Variants in DIAPH2 observed in about 807,000 individuals in gnomAD.
DIAPH2 encodes protein diaphanous homolog 2.
In DIAPH2, 35 loss-of-function variants were observed where a neutral mutation model predicts 92.7. The ratio of observed to expected loss-of-function variants is 0.38; its 90% CI spans 0.29 to 0.50. The LOEUF is 0.50. Among genes scored for constraint, DIAPH2 ranks in the 20% least tolerant of loss-of-function variants. The pLI, the probability that DIAPH2 is intolerant of heterozygous loss-of-function variation, is 0.94. For synonymous variants in DIAPH2, 301 were observed against 280.4 expected, an observed-to-expected ratio of 1.07 and a Z score of -0.73; for missense variants, 701 against 819.5, an observed-to-expected ratio of 0.86 and a Z score of 1.77.
chrX:97,355,290 A>T (rs2069255003), intron 24 of DIAPH2, among the ~76,000 whole-genome samples: 1 of 111,018 alleles, frequency 9.0e-6, no homozygotes, highest in South Asian at 3.8e-4. Flanking sequence ...ATTAATGGTA[A>T]TTTACCTTTA....
chrX:96,865,056 T>C (rs2147728654), intron 4 of DIAPH2, among the ~76,000 whole-genome samples: 1 of 112,256 alleles, frequency 8.9e-6, no homozygotes, highest in Non-Finnish European at 1.9e-5. Context: ...CTATTATACT[T>C]TCAAGCATTT....
At chrX:97,519,027 C>T in intron 26 of DIAPH2, among the ~76,000 whole-genome samples, 1 of 111,642 alleles carries the variant, frequency 9.0e-6, no homozygotes, top group Non-Finnish European at 1.9e-5. Context: ...TTAAATTAGC[C>T]AAACCACCCT....
At chrX:97,081,264 T>G (rs1027271048) in intron 19 of DIAPH2, among the ~76,000 whole-genome samples, 9 of 111,656 alleles carry the variant, frequency 8.1e-5, no homozygotes, top group African/African-American at 2.9e-4. Context: ...TAAAAATTTT[T>G]TTTTGTTTTT....
chrX:97,117,087 G>A, intron 21 of DIAPH2, among the ~76,000 whole-genome samples: 1 of 111,199 alleles, frequency 9.0e-6, no homozygotes. Context: ...AAGAAGTGAA[G>A]GTTTTAAAAT....
At chrX:97,160,070 G>T (rs1317966006) in intron 22 of DIAPH2, among the ~76,000 whole-genome samples, 1 of 95,240 alleles carries the variant, frequency 1.0e-5, no homozygotes, top group African/African-American at 3.8e-5. Context: ...CTGGGCAAGG[G>T]TGTTTAAGGG....
At chrX:97,168,230 C>T (rs1171121306) in intron 22 of DIAPH2, among the ~76,000 whole-genome samples, 3 of 108,934 alleles carry the variant, frequency 2.8e-5, no homozygotes, top group African/African-American at 6.7e-5. Context: ...GGATTACAGG[C>T]GGGTGCCACC....
intron 22 of DIAPH2, among the ~76,000 whole-genome samples, chrX:97,240,425 T>G (rs1156722810): frequency 1.8e-5 from 2 of 110,378 alleles, no homozygotes; most frequent in African/African-American, 3.3e-5. Flanking sequence ...GCTAACACAG[T>G]GAAACCCCGT....
At chrX:97,535,768 C>T (rs1376475394) in intron 26 of DIAPH2, among the ~76,000 whole-genome samples, 1 of 112,365 alleles carries the variant, frequency 8.9e-6, no homozygotes, top group Non-Finnish European at 1.9e-5. Context: ...TTTTTAAATA[C>T]TTGGTAAAGA....
At chrX:97,068,006 G>A (rs1366252256) in intron 17 of DIAPH2, among the ~76,000 whole-genome samples, 1 of 111,705 alleles carries the variant, frequency 9.0e-6, no homozygotes, top group Non-Finnish European at 1.9e-5. Flanking sequence ...GTTGATGCAT[G>A]CGTTTTTTAA....
intron 22 of DIAPH2, among the ~76,000 whole-genome samples, chrX:97,210,855 A>C (rs1232475812): frequency 2.7e-5 from 3 of 111,961 alleles, no homozygotes; most frequent in African/African-American, 9.7e-5. Flanking sequence ...TATTTCTTAG[A>C]TTGAATGTCT....
At chrX:96,800,858 A>G (rs972307966) in intron 4 of DIAPH2, among the ~76,000 whole-genome samples, 1 of 112,102 alleles carries the variant, frequency 8.9e-6, no homozygotes, top group Non-Finnish European at 1.9e-5. Context: ...TGCGTGACCT[A>G]TCTTTATTAG....
At chrX:97,547,015 G>A (rs1469251874) in intron 26 of DIAPH2, among the ~76,000 whole-genome samples, 2 of 111,906 alleles carry the variant, frequency 1.8e-5, no homozygotes, top group African/African-American at 6.5e-5. Flanking sequence ...TTAAGAAGAA[G>A]TTGTAACACA....
At chrX:97,453,265 TC>T (rs2070374004) in intron 26 of DIAPH2, among the ~76,000 whole-genome samples, 1 of 111,090 alleles carries the variant, frequency 9.0e-6, no homozygotes, top group Non-Finnish European at 1.9e-5. Flanking sequence ...ATTCACTCCA[TC>T]CATCCCTTAA....
intron 23 of DIAPH2, among the ~76,000 whole-genome samples, chrX:97,255,359 A>G (rs1372519712): frequency 8.9e-6 from 1 of 111,939 alleles, no homozygotes; most frequent in Admixed American, 9.5e-5. Flanking sequence ...AGCAATCAAA[A>G]TTAATTTCCC....
At chrX:96,827,475 G>T (rs760602912) in intron 4 of DIAPH2, among the ~76,000 whole-genome samples, 54 of 111,859 alleles carry the variant, frequency 4.8e-4, no homozygotes, top group Non-Finnish European at 8.6e-4. Flanking sequence ...GAGCATGTTA[G>T]ATTAAAAATA....
intron 25 of DIAPH2, among the ~76,000 whole-genome samples, chrX:97,398,481 C>T (rs1279642083): frequency 9.0e-6 from 1 of 110,721 alleles, no homozygotes; most frequent in African/African-American, 3.3e-5. Context: ...ACTGAGTAAC[C>T]CTGACAGTAG....
At chrX:97,011,951 G>C (rs1416697032) in intron 17 of DIAPH2, among the ~76,000 whole-genome samples, 1 of 104,722 alleles carries the variant, frequency 9.5e-6, no homozygotes, top group Non-Finnish European at 1.9e-5. Flanking sequence ...AGATAGTAAA[G>C]GGTATTTCCA....
chrX:97,229,580 T>C (rs1283278837), intron 22 of DIAPH2, among the ~76,000 whole-genome samples: 1 of 110,531 alleles, frequency 9.0e-6, no homozygotes, highest in African/African-American at 3.3e-5. Context: ...GTAATGCCAC[T>C]GGGGAAAACA....
chrX:97,275,686 C>T (rs1284859502), intron 23 of DIAPH2, among the ~76,000 whole-genome samples: 1 of 105,803 alleles, frequency 9.5e-6, no homozygotes, highest in Non-Finnish European at 1.9e-5. Flanking sequence ...GACGGGGCGG[C>T]GGGGCAGAGG....
Sources: gnomAD v4.1 joint callset for allele counts (sites outside exome capture counted in the v4.1 genomes callset) on GRCh38, gnomAD v4.1.1 for gene constraint, MANE v1.5 for transcripts, NCBI Gene and HGNC (gene_info 2026-07-23, HGNC 2026-07-21) for gene names.